Variants in ZNF385D observed in about 807,000 individuals in gnomAD.
ZNF385D encodes the protein zinc finger protein 385D, also known as zinc finger protein 659.
A neutral mutation model predicts 35.8 loss-of-function variants in ZNF385D; 15 were observed. The observed-to-expected ratio is 0.42, with a 90% confidence interval of 0.28 to 0.64. ZNF385D has a LOEUF of 0.64. ZNF385D is among the 30% of genes least tolerant of loss of function. ZNF385D has a pLI of 0.23. For synonymous variants in ZNF385D, 212 were observed against 186.8 expected (o/e 1.13, Z -1.10); for missense variants, 474 against 494.6 (o/e 0.96, Z 0.39).
rs533591889 is a variant in ZNF385D, at chr3:21,412,408, A to G, written c.*8806T>C. The G allele has an allele frequency of 6.6e-6, 1 of 152,174 alleles. No individual in the cohort carries two copies. Among genetic ancestry groups the G allele is most frequent in the East Asian group, 1.9e-4 (1 of 5,166 alleles). The allele number at this position is 152,174 out of a possible 1,614,324, so 9.4% of individuals were successfully genotyped here. A position where few individuals can be genotyped will look rare whatever the true frequency, so the allele number is the denominator to read the frequency against. ...AAGTGGAATAGAACATAGAGAATAC[A>G]TAATTTGTTCTAATATTCCTCTTCC... On this transcript the variant is annotated 3_prime_UTR_variant, in exon 8 of 8. Coordinates refer to ENST00000281523, the MANE Select transcript of ZNF385D (RefSeq NM_024697.3).
chr3:22,299,216 TTC>T (rs1226315197), intron 2 of ZNF385D, among the ~76,000 whole-genome samples: 13 of 151,902 alleles, frequency 8.6e-5, no homozygotes, highest in African/African-American at 3.1e-4. Context: ...TGACTATCAG[TTC>T]TTTTAAGATT....
At chr3:21,948,288 G>A (rs1701894276) in intron 3 of ZNF385D, among the ~76,000 whole-genome samples, 1 of 151,708 alleles carries the variant, frequency 6.6e-6, no homozygotes, top group African/African-American at 2.4e-5. Flanking sequence ...TTGGCTCTAT[G>A]ACATAAAATG....
chr3:21,468,899 A>T (rs1359075985), intron 4 of ZNF385D, among the ~76,000 whole-genome samples: 2 of 152,170 alleles, frequency 1.3e-5, no homozygotes, highest in Non-Finnish European at 2.9e-5. Context: ...ACTGCACTCC[A>T]GTCTGGCAAC....
chr3:21,464,985 G>T (rs144081753), intron 4 of ZNF385D, among the ~76,000 whole-genome samples: 268 of 152,050 alleles, frequency 1.8e-3, no homozygotes, highest in African/African-American at 6.2e-3. Flanking sequence ...CCCCACTGCC[G>T]GCCAAGGACT....
intron 3 of ZNF385D, among the ~76,000 whole-genome samples, chr3:21,997,874 TG>T (rs1695578825): frequency 3.7e-4 from 16 of 43,146 alleles, no homozygotes; most frequent in East Asian, 5.4e-4. Flanking sequence ...CGCGCGCGCG[TG>T]TGTGTGTGTG....
At chr3:22,220,985 A>G (rs1159746547) in intron 2 of ZNF385D, among the ~76,000 whole-genome samples, 2 of 152,192 alleles carry the variant, frequency 1.3e-5, no homozygotes, top group East Asian at 1.9e-4. Flanking sequence ...CAATCTCTAT[A>G]AACAAAAATA....
intron 3 of ZNF385D, among the ~76,000 whole-genome samples, chr3:21,819,126 G>C (rs1361037197): frequency 1.3e-5 from 2 of 151,802 alleles, no homozygotes; most frequent in Non-Finnish European, 2.9e-5. Flanking sequence ...ACTGTTAAGT[G>C]CTTTAATCAC....
At chr3:21,725,516 A>C (rs1052165652) in intron 1 of ZNF385D, among the ~76,000 whole-genome samples, 1 of 152,240 alleles carries the variant, frequency 6.6e-6, no homozygotes, top group Non-Finnish European at 1.5e-5. Context: ...AACTGATCCC[A>C]AAGAAATACA....
chr3:22,064,739 G>A (rs1158083936), intron 3 of ZNF385D, among the ~76,000 whole-genome samples: 1 of 152,120 alleles, frequency 6.6e-6, no homozygotes, highest in Non-Finnish European at 1.5e-5. Flanking sequence ...TGAAAAAGTG[G>A]AAGTCATTAG....
chr3:21,654,098 TA>T lies in ZNF385D; in HGVS notation c.165+10787del, dbSNP rs142205284. Among the ~76,000 whole-genome samples the T allele has an allele frequency of 8.5e-3, 1,276 of 149,330 alleles. 16 individuals are homozygous for T. The highest frequency in any genetic ancestry group is 0.029 in the African/African-American group (1,177 of 40,968). ...ACTGTCATTTCTTTTACCTTCCATTTAAAAAAAAAACTTGAATATAGAAATT... is the reference window on the plus strand; with the variant it reads ...ACTGTCATTTCTTTTACCTTCCATTTAAAAAAAAACTTGAATATAGAAATT... On this transcript the variant is annotated intron_variant, in intron 2 of 7. Transcript: ENST00000281523.
intron 2 of ZNF385D, among the ~76,000 whole-genome samples, chr3:22,352,402 G>A (rs559045397): frequency 1.3e-3 from 200 of 152,242 alleles, no homozygotes; most frequent in African/African-American, 4.5e-3. Context: ...ACAATCACAC[G>A]TTATCTCTGT....
At position 21,533,517 on chromosome 3, in the gene ZNF385D, T is replaced by C. The variant is rs2061972171; in HGVS notation, c.277-22494A>G. 1.3e-5 allele frequency among the ~76,000 whole-genome samples: 2 copies of C among 152,098 alleles called. 1 individual carries two copies. The highest frequency in any genetic ancestry group is 4.2e-4 in the South Asian group (2 of 4,754). On this transcript the variant is annotated intron_variant, in intron 3 of 7. Coordinates refer to ENST00000281523, the MANE Select transcript of ZNF385D (RefSeq NM_024697.3). ...GTCGATGGCATATACATTTAATATATAACTATAGCTGTGCATTTATCATCC... is the reference window on the plus strand; with the variant it reads ...GTCGATGGCATATACATTTAATATACAACTATAGCTGTGCATTTATCATCC...
At chr3:21,596,025 A>AT (rs1223659801) in intron 2 of ZNF385D, among the ~76,000 whole-genome samples, 1 of 152,200 alleles carries the variant, frequency 6.6e-6, no homozygotes, top group African/African-American at 2.4e-5. Context: ...ATGCAAAGGC[A>AT]TTTTTATTTT....
intron 3 of ZNF385D, among the ~76,000 whole-genome samples, chr3:21,932,104 T>A (rs1440774416): frequency 7.3e-6 from 1 of 136,936 alleles, no homozygotes; most frequent in Non-Finnish European, 1.5e-5. Context: ...GAGGCGGAGC[T>A]TGCAGTGAGC....
At chr3:22,042,852 T>A (rs1698751534) in intron 3 of ZNF385D, among the ~76,000 whole-genome samples, 1 of 152,178 alleles carries the variant, frequency 6.6e-6, no homozygotes, top group Non-Finnish European at 1.5e-5. Context: ...CTTTGGAAGA[T>A]CACAGACATA....
intron 2 of ZNF385D, among the ~76,000 whole-genome samples, chr3:21,650,401 C>G (rs1448646161): frequency 6.6e-6 from 1 of 152,096 alleles, no homozygotes; most frequent in African/African-American, 2.4e-5. Context: ...AATTTCCCCT[C>G]TCCCTGCCAA....
intron 3 of ZNF385D, among the ~76,000 whole-genome samples, chr3:22,068,471 C>T (rs1053632638): frequency 6.6e-6 from 1 of 152,122 alleles, no homozygotes; most frequent in African/African-American, 2.4e-5. Context: ...CTCCCCCACA[C>T]CCCATTTCTC....
chr3:22,027,962 A>C (rs1413677384), intron 3 of ZNF385D, among the ~76,000 whole-genome samples: 1 of 152,334 alleles, frequency 6.6e-6, no homozygotes, highest in Admixed American at 6.5e-5. Context: ...ACATCCCTGA[A>C]GGATAGCAGT....
intron 3 of ZNF385D, among the ~76,000 whole-genome samples, chr3:22,070,883 G>A (rs184557109): frequency 6.6e-6 from 1 of 152,160 alleles, no homozygotes; most frequent in African/African-American, 2.4e-5. Context: ...GTTTTCTTCT[G>A]TCTTCAGAAA....
Sources: gnomAD v4.1 joint callset for allele counts (sites outside exome capture counted in the v4.1 genomes callset) on GRCh38, gnomAD v4.1.1 for gene constraint, MANE v1.5 for transcripts, NCBI Gene and HGNC (gene_info 2026-07-23, HGNC 2026-07-21) for gene names.